Variants in CUL2 observed in about 807,000 individuals in gnomAD.
The protein encoded by CUL2 is cullin-2.
A neutral mutation model predicts 110.2 loss-of-function variants in CUL2; 22 were observed. The ratio of observed to expected loss-of-function variants is 0.20; its 90% CI spans 0.14 to 0.28. The LOEUF (loss-of-function observed/expected upper bound fraction) is 0.28. CUL2 is among the 10% of genes least tolerant of loss of function. The pLI is 1.00. For synonymous variants in CUL2, 279 were observed against 293.2 expected (o/e 0.95, Z 0.49); for missense variants, 631 against 905.5 (o/e 0.70, Z 3.89).
chr10:35,061,089 A>T (rs975664892), intron 3 of CUL2, 121 bp from the exon 4 acceptor site: 20 of 1,086,318 alleles, frequency 1.8e-5, no homozygotes, highest in Non-Finnish European at 2.6e-5. Flanking sequence ...TACAAATTAC[A>T]TTTACACAAC....
upstream of CUL2, among the ~76,000 whole-genome samples, chr10:35,093,430 G>A (rs1463066972): frequency 6.6e-6 from 1 of 151,834 alleles, no homozygotes; most frequent in African/African-American, 2.4e-5. Flanking sequence ...AGGCTGAGGT[G>A]GGCAGATCTC....
At chr10:35,086,227 T>C (rs951130431) in intron 1 of CUL2, among the ~76,000 whole-genome samples, 1 of 150,218 alleles carries the variant, frequency 6.7e-6, no homozygotes, top group African/African-American at 2.4e-5. Context: ...CCGGGCACAG[T>C]GGATCACGCC....
chr10:35,069,226 G>C (rs763242761), intron 2 of CUL2, among the ~76,000 whole-genome samples: 1 of 151,972 alleles, frequency 6.6e-6, no homozygotes, highest in Non-Finnish European at 1.5e-5. Context: ...GAAAATTCAT[G>C]ATCAGGTGAA....
intron 2 of CUL2, among the ~76,000 whole-genome samples, chr10:35,069,065 C>T (rs1007285134): frequency 4.6e-5 from 7 of 152,172 alleles, no homozygotes; most frequent in Non-Finnish European, 7.4e-5. Flanking sequence ...GACGAGGTTT[C>T]GCCATGTTGG....
intron 8 of CUL2, among the ~76,000 whole-genome samples, chr10:35,042,794 C>G (rs946938322): frequency 5.3e-5 from 8 of 152,134 alleles, no homozygotes; most frequent in African/African-American, 1.9e-4. Flanking sequence ...GTGAGCTGCT[C>G]TAGCAAATTA....
At chr10:35,090,684 G>A (rs1429139928), upstream of CUL2, 2 of 152,326 alleles carry the variant, frequency 1.3e-5, no homozygotes, top group Non-Finnish European at 2.9e-5. Flanking sequence ...GCCAAGCTTC[G>A]TGTGATTGCG....
intron 3 of CUL2, 148 bp downstream of exon 3, chr10:35,062,812 G>A (rs150100376): frequency 0.022 from 11,571 of 535,116 alleles, 151 homozygotes; most frequent in Non-Finnish European, 0.028. Context: ...ACCCTAGCCT[G>A]GGCAACAGAG....
At position 35,013,763 on chromosome 10, in the gene CUL2, A is replaced by T. The variant is rs61754549; in HGVS notation, c.1925T>A (p.Met642Lys). ...TTTTGTTCTTTTACTGCTAAAGTTC[A>T]TATTTAATGAAAACGAAGATTCTGC... Reference protein sequence around the residue: ...IDAESSFSLNMNFSSKRTKFK... With the variant: ...IDAESSFSLNKNFSSKRTKFK... Residue 642 changes from methionine to lysine, a missense_variant, in exon 19 of 21, where the codon ATG becomes AAG. Met to Lys is a moderately conservative substitution (Grantham distance 95). Coordinates refer to ENST00000374749, the MANE Select transcript of CUL2 (RefSeq NM_003591.4). 3.7e-5 allele frequency: 57 copies of T among 1,556,280 alleles called. No homozygotes were observed. Among genetic ancestry groups the T allele is most frequent in the Non-Finnish European group, 5.0e-5 (57 of 1,144,008 alleles).
chr10:35,091,245 A>G (rs915871292), upstream of CUL2, among the ~76,000 whole-genome samples: 3 of 152,144 alleles, frequency 2.0e-5, no homozygotes, highest in African/African-American at 4.8e-5. Flanking sequence ...TCAAGAGCTC[A>G]CCATCAGGGT....
At chr10:35,017,823 T>C (rs1412063603) in intron 17 of CUL2, among the ~76,000 whole-genome samples, 1 of 148,988 alleles carries the variant, frequency 6.7e-6, no homozygotes, top group Non-Finnish European at 1.5e-5. Context: ...TGAAAGCTCA[T>C]AATGAATAAT....
intron 17 of CUL2, among the ~76,000 whole-genome samples, chr10:35,021,440 T>TATACACACACACACATAC (rs2085180366): frequency 6.6e-6 from 1 of 151,270 alleles, no homozygotes; most frequent in South Asian, 2.1e-4. Flanking sequence ...TATGTATATA[T>TATACACACACACACATAC]ATACACACAC....
intron 1 of CUL2, among the ~76,000 whole-genome samples, chr10:35,111,934 A>C (rs1190724384): frequency 6.6e-6 from 1 of 152,226 alleles, no homozygotes; most frequent in African/African-American, 2.4e-5. Flanking sequence ...GCACAAACTC[A>C]TAGCCTACTG....
intron 1 of CUL2, among the ~76,000 whole-genome samples, chr10:35,084,072 T>G (rs2135053004): frequency 6.6e-6 from 1 of 151,608 alleles, no homozygotes; most frequent in African/African-American, 2.4e-5. Flanking sequence ...AGGTCAGGAG[T>G]TCAAGACCAG....
intron 16 of CUL2, among the ~76,000 whole-genome samples, chr10:35,025,586 A>T (rs1344785593): frequency 2.0e-5 from 3 of 152,232 alleles, no homozygotes; most frequent in Non-Finnish European, 1.5e-5. Context: ...CTTCATCTCT[A>T]ATCTCCCATT....
intron 10 of CUL2, 152 bp from the exon 11 acceptor site, chr10:35,033,425 T>A: frequency 1.7e-6 from 1 of 598,716 alleles, no homozygotes; most frequent in Non-Finnish European, 2.9e-6. Flanking sequence ...GCTAAGACGG[T>A]CTTAGAAATT....
At chr10:35,094,738 A>G (rs2087270557), upstream of CUL2, among the ~76,000 whole-genome samples, 1 of 152,132 alleles carries the variant, frequency 6.6e-6, no homozygotes, top group Non-Finnish European at 1.5e-5. Flanking sequence ...CAGTTTACCC[A>G]AACTCTACAG....
At chr10:35,096,080 T>G (rs2087294796) in intron 2 of CUL2, among the ~76,000 whole-genome samples, 2 of 151,590 alleles carry the variant, frequency 1.3e-5, no homozygotes, top group Admixed American at 6.6e-5. Context: ...AGACCCTATC[T>G]CTACTAAAAA....
intron 19 of CUL2, among the ~76,000 whole-genome samples, chr10:35,012,971 G>A (rs1264427940): frequency 2.6e-5 from 4 of 152,104 alleles, no homozygotes; most frequent in Admixed American, 1.3e-4. Flanking sequence ...ATCTGCATTT[G>A]AACAAGATGC....
chr10:35,106,149 G>T (rs966998408), intron 1 of CUL2, among the ~76,000 whole-genome samples: 2 of 152,134 alleles, frequency 1.3e-5, no homozygotes, highest in Non-Finnish European at 2.9e-5. Flanking sequence ...AATGGGATTA[G>T]TGCCTTTACA....
Sources: gnomAD v4.1 joint callset for allele counts (sites outside exome capture counted in the v4.1 genomes callset) on GRCh38, gnomAD v4.1.1 for gene constraint, MANE v1.5 for transcripts, NCBI Gene and HGNC (gene_info 2026-07-23, HGNC 2026-07-21) for gene names.